GRM7: variants seen among roughly 807,000 people sequenced by gnomAD.
GRM7 encodes the protein metabotropic glutamate receptor 7.
Under a neutral mutation model 84.5 loss-of-function variants are expected in GRM7, and 35 were observed. The observed-to-expected ratio is 0.41, with a 90% CI of 0.32 to 0.55. GRM7 has a LOEUF of 0.55. Ranked by LOEUF, GRM7 falls within the 20% of genes least tolerant of loss-of-function variation. GRM7 has a pLI of 0.19. For missense variants in GRM7, 1,003 were observed against 1,194.6 expected (o/e 0.84, Z 2.36); for synonymous variants, 487 against 455.1 (o/e 1.07, Z -0.89).
At chr3:7,413,563 G>A (rs1017990309) in intron 4 of GRM7, among the ~76,000 whole-genome samples, 66 of 152,136 alleles carry the variant, frequency 4.3e-4, no homozygotes, top group Admixed American at 2.7e-3. Flanking sequence ...CTCCATTTTT[G>A]AAACTGGCTT....
At chr3:7,163,755 G>A (rs999146056) in intron 2 of GRM7, among the ~76,000 whole-genome samples, 1 of 152,200 alleles carries the variant, frequency 6.6e-6, no homozygotes, top group African/African-American at 2.4e-5. Context: ...AGAAGGAAAA[G>A]CAATGTTCCA....
At chr3:7,197,514 T>C (rs1409579283) in intron 2 of GRM7, among the ~76,000 whole-genome samples, 2 of 152,148 alleles carry the variant, frequency 1.3e-5, no homozygotes, top group Non-Finnish European at 2.9e-5. Context: ...TATCCTGACA[T>C]GTTCCTAATG....
intron 2 of GRM7, among the ~76,000 whole-genome samples, chr3:7,275,403 T>C (rs1699016877): frequency 1.3e-5 from 2 of 152,174 alleles, no homozygotes; most frequent in South Asian, 4.1e-4. Flanking sequence ...TAAATAGGCC[T>C]TTACTAATAT....
At chr3:7,454,356 T>TA (rs925469201) in intron 6 of GRM7, among the ~76,000 whole-genome samples, 2 of 152,262 alleles carry the variant, frequency 1.3e-5, no homozygotes, top group African/African-American at 4.8e-5. Context: ...TCTCAACTCT[T>TA]ACAACATCTT....
chr3:7,411,971 C>T (rs1428309071), intron 4 of GRM7, among the ~76,000 whole-genome samples: 2 of 151,206 alleles, frequency 1.3e-5, no homozygotes, highest in Non-Finnish European at 2.9e-5. Flanking sequence ...CTCTTCTCTC[C>T]CCTCCCCTCC....
Position 7,015,135 on chromosome 3 carries a change from AC to A in GRM7, c.520-131310del, listed in dbSNP as rs367819980. Among the ~76,000 whole-genome samples, 127 of 144,474 alleles carry A rather than the reference AC, an allele frequency of 8.8e-4. 1 individual carries two copies. In the East Asian group the frequency reaches 0.02, roughly 22 times the overall value. The allele number at this position is 144,474 out of a possible 152,430, so 94.8% of individuals were successfully genotyped here. A position where few individuals can be genotyped will look rare whatever the true frequency, so the allele number is the denominator to read the frequency against. On this transcript the variant is annotated intron_variant, in intron 1 of 9. Transcript: ENST00000357716. ...AGGGAATAAAGCTGCCCTACACCCC[AC>A]CCCCCCATAAGCCAGCAGTGGCAAC...
At chr3:7,135,110 T>G (rs962737268) in intron 1 of GRM7, among the ~76,000 whole-genome samples, 1 of 152,298 alleles carries the variant, frequency 6.6e-6, no homozygotes, top group South Asian at 2.1e-4. Flanking sequence ...AACTCCAGAT[T>G]TTAAGCTAAT....
chr3:6,887,718 G>A (rs983981602), intron 1 of GRM7, among the ~76,000 whole-genome samples: 1 of 152,066 alleles, frequency 6.6e-6, no homozygotes, highest in Non-Finnish European at 1.5e-5. Flanking sequence ...TATAGCAGCA[G>A]GATTTATAGT....
intron 8 of GRM7, among the ~76,000 whole-genome samples, chr3:7,663,324 C>G (rs1371992651): frequency 6.6e-6 from 1 of 152,152 alleles, no homozygotes; most frequent in African/African-American, 2.4e-5. Flanking sequence ...GGAACTGGGC[C>G]TTTATCTACC....
intron 7 of GRM7, among the ~76,000 whole-genome samples, chr3:7,534,623 G>A (rs1701171704): frequency 1.3e-5 from 2 of 152,088 alleles, no homozygotes; most frequent in Non-Finnish European, 2.9e-5. Context: ...CCTTTAAAGT[G>A]TGAGTTAAAT....
chr3:7,436,126 C>T (rs761641231), intron 5 of GRM7, among the ~76,000 whole-genome samples: 4 of 152,246 alleles, frequency 2.6e-5, no homozygotes, highest in East Asian at 1.9e-4. Flanking sequence ...GGATTACAGG[C>T]GTGAGCCACT....
intron 1 of GRM7, among the ~76,000 whole-genome samples, chr3:7,097,882 C>T (rs148474712): frequency 1.3e-5 from 2 of 152,200 alleles, no homozygotes; most frequent in African/African-American, 4.8e-5. Context: ...ATTTGCCATA[C>T]CTTTGACTTG....
intron 1 of GRM7, among the ~76,000 whole-genome samples, chr3:6,911,487 C>T (rs1416923107): frequency 6.6e-6 from 1 of 152,020 alleles, no homozygotes; most frequent in African/African-American, 2.4e-5. Flanking sequence ...TCAGAGTTTT[C>T]TGTGTATATA....
chr3:7,109,586 T>TA (rs1692774037), intron 1 of GRM7, among the ~76,000 whole-genome samples: 1 of 152,108 alleles, frequency 6.6e-6, no homozygotes, highest in South Asian at 2.1e-4. Context: ...TGGTACAGCT[T>TA]AATTAGGAGA....
chr3:7,203,216 T>A (rs1020914655), intron 2 of GRM7, among the ~76,000 whole-genome samples: 1 of 152,218 alleles, frequency 6.6e-6, no homozygotes, highest in African/African-American at 2.4e-5. Context: ...TCCTTCCATC[T>A]ACACACCCTT....
At chr3:7,608,945 A>G (rs1007868920) in intron 8 of GRM7, among the ~76,000 whole-genome samples, 2 of 152,140 alleles carry the variant, frequency 1.3e-5, no homozygotes, top group Non-Finnish European at 2.9e-5. Context: ...CTAGCCAGTT[A>G]TTCCAGCACC....
rs181561720 is a variant in GRM7 at position 6,884,442 on chromosome 3, A to C, written c.519+22535A>C. On this transcript the variant is annotated intron_variant, in intron 1 of 9. Transcript: ENST00000357716. ...TATAAAGAATTCCTCACAATATATT[A>C]GGACAGTTTTAAATATTTTAATTTG... 426 of 152,436 alleles carry C rather than the reference A, an allele frequency of 2.8e-3. 3 individuals are homozygous for C. The highest frequency in any genetic ancestry group is 4.8e-3 in the South Asian group (23 of 4,824). 9.4% of individuals were successfully genotyped at this position (152,436 alleles called of 1,614,324 possible).
At chr3:7,450,417 C>A (rs776015014) in intron 5 of GRM7, among the ~76,000 whole-genome samples, 2 of 152,078 alleles carry the variant, frequency 1.3e-5, no homozygotes, top group Non-Finnish European at 2.9e-5. Context: ...TGACAAAACT[C>A]CTCCACTTCT....
At chr3:7,265,203 T>C (rs1698593499) in intron 2 of GRM7, among the ~76,000 whole-genome samples, 1 of 152,232 alleles carries the variant, frequency 6.6e-6, no homozygotes, top group Non-Finnish European at 1.5e-5. Flanking sequence ...ATGTTCTAGC[T>C]ATCTCTGGAC....
Sources: gnomAD v4.1 joint callset for allele counts (sites outside exome capture counted in the v4.1 genomes callset) on GRCh38, gnomAD v4.1.1 for gene constraint, MANE v1.5 for transcripts, NCBI Gene and HGNC (gene_info 2026-07-23, HGNC 2026-07-21) for gene names.